The following CC2D2B variants were observed in gnomAD, a reference collection of about 807,000 sequenced individuals.
CC2D2B encodes the protein protein CC2D2B.
A neutral mutation model predicts 161.2 loss-of-function variants in CC2D2B; 128 were observed. That is an observed-to-expected ratio of 0.79 (90% CI 0.69 to 0.92). The LOEUF (loss-of-function observed/expected upper bound fraction) is 0.92. Among genes scored for constraint, CC2D2B ranks in the 40% least tolerant of loss-of-function variants. The pLI, the probability that CC2D2B is intolerant of heterozygous loss-of-function variation, is 0.00. For synonymous variants in CC2D2B, 391 were observed against 449.8 expected, an observed-to-expected ratio of 0.87 and a Z score of 1.65; for missense variants, 1,173 against 1,375.1, an observed-to-expected ratio of 0.85 and a Z score of 2.32.
intron 10 of CC2D2B, among the ~76,000 whole-genome samples, chr10:95,952,985 A>C (rs142731899): frequency 6.6e-4 from 101 of 152,206 alleles, no homozygotes; most frequent in African/African-American, 2.3e-3. Context: ...TCCAATTTGA[A>C]TTTCCACTGG....
At chr10:96,024,959 T>G in intron 33 of CC2D2B, 48 bp downstream of exon 33, 2 of 1,113,542 alleles carry the variant, frequency 1.8e-6, no homozygotes, top group Non-Finnish European at 2.6e-6. Context: ...TTCAGTCTTC[T>G]GACCCATCCA....
intron 11 of CC2D2B, among the ~76,000 whole-genome samples, chr10:95,957,208 G>A (rs956982229): frequency 2.6e-5 from 4 of 152,206 alleles, no homozygotes; most frequent in African/African-American, 9.6e-5. Context: ...AAATATTGAG[G>A]ACCTGTGCTC....
chr10:95,996,325 T>C, intron 24 of CC2D2B, 73 bp downstream of exon 24: 1 of 684,498 alleles, frequency 1.5e-6, no homozygotes, highest in Non-Finnish European at 2.4e-6. Flanking sequence ...GAGCCACTTA[T>C]TGAAAATAAT....
chr10:95,923,606 T>C (rs2098532261), intron 3 of CC2D2B, among the ~76,000 whole-genome samples: 2 of 152,208 alleles, frequency 1.3e-5, no homozygotes, highest in African/African-American at 4.8e-5. Context: ...AAATCTGAGC[T>C]TTGTTTTTGT....
intron 17 of CC2D2B, among the ~76,000 whole-genome samples, chr10:95,980,703 A>T (rs1022025962): frequency 1.3e-5 from 2 of 152,196 alleles, no homozygotes; most frequent in African/African-American, 4.8e-5. Context: ...ACCATACCAC[A>T]CATTGGCTTT....
chr10:96,030,213 A>T (rs958061544), intron 34 of CC2D2B, among the ~76,000 whole-genome samples: 2 of 152,140 alleles, frequency 1.3e-5, no homozygotes, highest in Non-Finnish European at 2.9e-5. Flanking sequence ...TTCCAAATTT[A>T]TACATTCAGC....
At chr10:95,955,544 G>C (rs2141375509) in intron 11 of CC2D2B, 53 bp downstream of exon 11, 1 of 397,252 alleles carries the variant, frequency 2.5e-6, no homozygotes, top group South Asian at 1.3e-4. Context: ...AACTTCTTTA[G>C]ACAAAGTACT....
chr10:95,957,553 ATTTTTTTTTTTT>A (rs869263327), intron 11 of CC2D2B, among the ~76,000 whole-genome samples: 4 of 83,736 alleles, frequency 4.8e-5, no homozygotes, highest in African/African-American at 1.9e-4. Flanking sequence ...GCTGACAATG[ATTTTTTTTTTTT>A]TTTTTTTTTT....
chr10:95,966,532 C>T (rs2076946238), intron 14 of CC2D2B, among the ~76,000 whole-genome samples: 1 of 152,028 alleles, frequency 6.6e-6, no homozygotes, highest in Non-Finnish European at 1.5e-5. Flanking sequence ...GTTCACACAT[C>T]TAATACATGC....
chr10:95,924,414 T>C (rs1339078858), intron 4 of CC2D2B, 24 bp downstream of exon 4: 3 of 1,310,408 alleles, frequency 2.3e-6, no homozygotes, highest in Non-Finnish European at 3.1e-6. Flanking sequence ...AAATTTCCTG[T>C]TTTCAAATTT....
At position 95,993,830 on chromosome 10, in the gene CC2D2B, G is replaced by C. The variant is rs1237172859; in HGVS notation, c.2642+1133G>C. Among the ~76,000 whole-genome samples the C allele has an allele frequency of 6.6e-5, 8 of 121,160 alleles. No individual in the cohort carries two copies. The East Asian group carries it at 1.3e-3, about 20-fold the overall frequency. 79.5% of individuals were successfully genotyped at this position (121,160 alleles called of 152,430 possible). A position where few individuals can be genotyped will look rare whatever the true frequency, so the allele number is the denominator to read the frequency against. On this transcript the variant is annotated intron_variant, in intron 22 of 34. Transcript: ENST00000646931. Reference sequence around the variant, plus strand: ...AATATATATAGAGTGTATATATAAAGAGTGTATATATATATATATATAGAG... The same window carrying C: ...AATATATATAGAGTGTATATATAAACAGTGTATATATATATATATATAGAG...
intron 34 of CC2D2B, among the ~76,000 whole-genome samples, chr10:96,030,620 T>G (rs1210077583): frequency 3.9e-5 from 6 of 152,096 alleles, no homozygotes; most frequent in Non-Finnish European, 5.9e-5. Context: ...ACAATAGAAA[T>G]TTATTTCTCA....
At chr10:95,939,325 T>C (rs1335193878) in intron 9 of CC2D2B, among the ~76,000 whole-genome samples, 2 of 152,158 alleles carry the variant, frequency 1.3e-5, no homozygotes, top group Non-Finnish European at 2.9e-5. Flanking sequence ...CAATAGCTTG[T>C]TCATTTCTGT....
Position 96,011,047 on chromosome 10 carries a change from G to A in CC2D2B, c.3045+1124G>A, listed in dbSNP as rs548527214. ...TAGTAGTACATAAATGGCTGCCATC[G>A]TATACCAGTTAAAGTGTTAATGAAC... On this transcript the variant is annotated intron_variant, in intron 26 of 34. Transcript: ENST00000646931. Among the ~76,000 whole-genome samples, 12 of 152,276 alleles carry A rather than the reference G, an allele frequency of 7.9e-5. No homozygotes were observed. The South Asian group carries it at 1.7e-3, about 21-fold the overall frequency.
chr10:96,032,005 A>T lies in CC2D2B; in HGVS notation c.4311A>T (p.Gln1437His), dbSNP rs2141999904. The T allele has an allele frequency of 6.2e-7, 1 of 1,610,794 alleles. No individual in the cohort carries two copies. Among genetic ancestry groups the T allele is most frequent in the East Asian group, 2.2e-5 (1 of 44,846 alleles). The change falls in exon 35 of 35, where the codon CAA (glutamine) becomes CAT (histidine). Residue 1437 changes from glutamine to histidine, a missense_variant. Gln to His is a conservative substitution (Grantham distance 24). Transcript: ENST00000646931. ...WVYLASLVQH[Q>H] is the part of the protein sequence containing the mutation. Reference sequence around the variant, plus strand: ...ATTTGGCTTCCTTAGTTCAACATCAATGAAAAGGAAGCAGAGCAAAGTAAA... The same window carrying T: ...ATTTGGCTTCCTTAGTTCAACATCATTGAAAAGGAAGCAGAGCAAAGTAAA...
At chr10:95,960,368 G>A (rs927385984) in intron 11 of CC2D2B, among the ~76,000 whole-genome samples, 1 of 152,024 alleles carries the variant, frequency 6.6e-6, no homozygotes, top group African/African-American at 2.4e-5. Context: ...AATCACACAG[G>A]GAAAGAGACA....
intron 25 of CC2D2B, among the ~76,000 whole-genome samples, chr10:96,006,446 A>G (rs534257193): frequency 1.9e-4 from 29 of 151,654 alleles, no homozygotes. Context: ...TCGCATTTTC[A>G]AATGTTTGAA....
At chr10:95,923,403 C>T (rs1241241800) in intron 3 of CC2D2B, among the ~76,000 whole-genome samples, 1 of 152,158 alleles carries the variant, frequency 6.6e-6, no homozygotes, top group Non-Finnish European at 1.5e-5. Flanking sequence ...TTCCTTTTCT[C>T]TAATAGCTGG....
At chr10:95,986,272 G>T (rs890035493) in intron 19 of CC2D2B, among the ~76,000 whole-genome samples, 2 of 151,342 alleles carry the variant, frequency 1.3e-5, no homozygotes, top group Non-Finnish European at 2.9e-5. Flanking sequence ...TCTCTCTTTT[G>T]TACTCTTTCC....
Sources: allele counts gnomAD v4.1 joint callset (sites outside exome capture counted in the v4.1 genomes callset), GRCh38; gene constraint gnomAD v4.1.1; transcripts MANE v1.5; gene names NCBI Gene and HGNC (gene_info 2026-07-23, HGNC 2026-07-21).